HTATIP2: variants seen among roughly 807,000 people sequenced by gnomAD.
HTATIP2 encodes protein HTATIP2.
In HTATIP2, 26 loss-of-function variants were observed where a neutral mutation model predicts 24.7. That is an observed-to-expected ratio of 1.05 (90% CI 0.77 to 1.46). The LOEUF is 1.46. Among genes scored for constraint, HTATIP2 ranks in the 40% most tolerant of loss-of-function variants. The pLI is 0.00. For synonymous variants in HTATIP2, 99 were observed against 113.2 expected (o/e 0.87, Z 0.79); for missense variants, 284 against 289.6 (o/e 0.98, Z 0.14).
chr11:20,379,112 G>C (rs955292751), intron 3 of HTATIP2, among the ~76,000 whole-genome samples: 1 of 152,104 alleles, frequency 6.6e-6, no homozygotes, highest in Non-Finnish European at 1.5e-5. Flanking sequence ...GGCAAAGCTA[G>C]AGCTTGAACC....
intron 3 of HTATIP2, among the ~76,000 whole-genome samples, chr11:20,379,996 G>T (rs1276704561): frequency 6.6e-6 from 1 of 152,210 alleles, no homozygotes; most frequent in African/African-American, 2.4e-5. Context: ...AAGCTTCCAA[G>T]AGGCCTCTCC....
chr11:20,363,841 G>A lies in HTATIP2; in HGVS notation c.-397G>A. 1 of 1,244,628 alleles carries A rather than the reference G, an allele frequency of 8.0e-7. No individual in the cohort carries two copies. The highest frequency in any genetic ancestry group is 4.2e-5 in the Admixed American group (1 of 23,712). 77.1% of individuals were successfully genotyped at this position (1,244,628 alleles called of 1,614,324 possible). On this transcript the variant is annotated 5_prime_UTR_variant, in exon 1 of 5. Transcript: ENST00000451739. ...CCGGGCCTGCGGCGCTGAGCGCGGC[G>A]GCGGCGGCTGCTCTGGCGGCCGCCC...
At chr11:20,382,476 C>G (rs530101918) in intron 4 of HTATIP2, among the ~76,000 whole-genome samples, 2 of 152,302 alleles carry the variant, frequency 1.3e-5, no homozygotes, top group South Asian at 4.1e-4. Flanking sequence ...TTCTTAAATC[C>G]TCTTCATGTG....
chr11:20,380,931 G>A (rs1403883248), intron 3 of HTATIP2, among the ~76,000 whole-genome samples: 3 of 152,084 alleles, frequency 2.0e-5, no homozygotes. Flanking sequence ...AAAAGACCAC[G>A]AATTATATGA....
chr11:20,374,439 C>T (rs1848411865), intron 2 of HTATIP2, among the ~76,000 whole-genome samples: 1 of 152,208 alleles, frequency 6.6e-6, no homozygotes, highest in African/African-American at 2.4e-5. Context: ...AGCTGCATTC[C>T]TTTCTGGGAG....
intron 3 of HTATIP2, among the ~76,000 whole-genome samples, chr11:20,380,481 G>C (rs1162073053): frequency 6.6e-6 from 1 of 152,062 alleles, no homozygotes; most frequent in East Asian, 1.9e-4. Context: ...GACCATCCTG[G>C]CTAACACGGT....
chr11:20,376,818 C>A, intron 3 of HTATIP2, 101 bp downstream of exon 3: 1 of 835,086 alleles, frequency 1.2e-6, no homozygotes, highest in Non-Finnish European at 1.8e-6. Context: ...CCATCAAATG[C>A]ATCATATTAT....
intron 3 of HTATIP2, among the ~76,000 whole-genome samples, chr11:20,379,058 AAC>A (rs1384189424): frequency 6.4e-4 from 1 of 1,570 alleles, no homozygotes; most frequent in African/African-American, 1.5e-3. Flanking sequence ...AAACAAAACA[AAC>A]AACAACAACA....
intron 1 of HTATIP2, among the ~76,000 whole-genome samples, chr11:20,366,099 C>CTTT (rs746247166): frequency 2.6e-4 from 28 of 108,690 alleles, no homozygotes; most frequent in East Asian, 3.4e-4. Context: ...CTTTTCTTTT[C>CTTT]TTTTTTTTTT....
intron 3 of HTATIP2, among the ~76,000 whole-genome samples, chr11:20,379,615 T>G (rs879337340): frequency 6.6e-6 from 1 of 152,204 alleles, no homozygotes; most frequent in African/African-American, 2.4e-5. Flanking sequence ...AATCATGTGC[T>G]TTATGGGCAT....
chr11:20,376,561 A>T lies in HTATIP2; in HGVS notation c.304-19A>T. 1 of 1,613,504 alleles carries T rather than the reference A, an allele frequency of 6.2e-7. No individual in the cohort carries two copies. Among genetic ancestry groups the T allele is most frequent in the Non-Finnish European group, 8.5e-7 (1 of 1,179,812 alleles). ...ACTTGCTGCTTTTTGGAAATAACTCATGTCCTTTTCCCCCTTAGGAGGGAT... is the reference window on the plus strand; with the variant it reads ...ACTTGCTGCTTTTTGGAAATAACTCTTGTCCTTTTCCCCCTTAGGAGGGAT... On this transcript the variant is annotated intron_variant, in intron 2 of 4. Transcript: ENST00000451739.
At chr11:20,372,423 G>A (rs1395655520) in intron 2 of HTATIP2, among the ~76,000 whole-genome samples, 1 of 152,218 alleles carries the variant, frequency 6.6e-6, no homozygotes, top group African/African-American at 2.4e-5. Context: ...CTTAAGAGTC[G>A]TTGGAGAATT....
At chr11:20,374,376 C>T (rs1433255080) in intron 2 of HTATIP2, among the ~76,000 whole-genome samples, 2 of 152,208 alleles carry the variant, frequency 1.3e-5, no homozygotes, top group African/African-American at 2.4e-5. Context: ...ACAAATTTAT[C>T]ATCTTAGAAG....
At chr11:20,376,273 A>G (rs1369123230) in intron 2 of HTATIP2, 2 of 331,120 alleles carry the variant, frequency 6.0e-6, no homozygotes, top group Non-Finnish European at 5.4e-6. Context: ...GCTTAAAAGT[A>G]GTTTCTCAGC....
In HTATIP2 at chr11:20,376,623, C is replaced by T; in HGVS notation, c.347C>T (p.Ala116Val). 6.2e-7 allele frequency: 1 copy of T among 1,613,944 alleles called. No individual in the cohort carries two copies. Among genetic ancestry groups the T allele is most frequent in the Non-Finnish European group, 8.5e-7 (1 of 1,179,888 alleles). Reference sequence around the variant, plus strand: ...GACCGAGATTATGTGCTGAAGTCTGCAGAGCTGGCAAAAGCTGGAGGGTGC... The same window carrying T: ...GACCGAGATTATGTGCTGAAGTCTGTAGAGCTGGCAAAAGCTGGAGGGTGC... ...RVDRDYVLKSAELAKAGGCKH... is the reference protein window; with the variant it reads ...RVDRDYVLKSVELAKAGGCKH... The change falls in exon 3 of 5, where the codon GCA becomes GTA. Residue 116 changes from alanine to valine, a missense_variant. Ala to Val is a moderately conservative substitution (Grantham distance 64). Transcript: ENST00000451739.
rs1343613014 is a variant in HTATIP2 at position 20,383,206 on chromosome 11, C to T, written c.*1C>T. 1 of 1,607,792 alleles carries T rather than the reference C, an allele frequency of 6.2e-7. No individual in the cohort carries two copies. Among genetic ancestry groups the T allele is most frequent in the Non-Finnish European group, 8.5e-7 (1 of 1,174,890 alleles). ...AGCGCATGGCTCTCTCAAGCCATGA[C>T]CACATTGGAGAAATGGTTTTTATTG... is the stretch of plus-strand genomic sequence containing the variant. On this transcript the variant is annotated 3_prime_UTR_variant, in exon 5 of 5. Coordinates refer to ENST00000451739, the MANE Select transcript of HTATIP2 (RefSeq NM_001098522.2).
At chr11:20,370,802 A>G (rs1314007053) in intron 2 of HTATIP2, among the ~76,000 whole-genome samples, 1 of 152,068 alleles carries the variant, frequency 6.6e-6, no homozygotes, top group African/African-American at 2.4e-5. Flanking sequence ...GGTGCCCACC[A>G]CCATGCCCAG....
rs1437220014 is a variant in HTATIP2, at chr11:20,367,154, A to T, written c.196-20A>T. On this transcript the variant is annotated intron_variant, in intron 1 of 4. Coordinates refer to ENST00000451739, the MANE Select transcript of HTATIP2 (RefSeq NM_001098522.2). ...TTGTTTAAATAACATGAAACTACAT[A>T]CAACTGTGTCCTTGCCTAGAATCAA... The T allele has an allele frequency of 6.2e-7, 1 of 1,613,164 alleles. No individual in the cohort carries two copies. Among genetic ancestry groups the T allele is most frequent in the South Asian group, 1.1e-5 (1 of 90,784 alleles).
chr11:20,376,529 A>G (rs757418792), intron 2 of HTATIP2, 51 bp from the exon 3 acceptor site: 5 of 1,607,940 alleles, frequency 3.1e-6, no homozygotes, highest in Admixed American at 1.7e-5. Context: ...AGTAATCTTT[A>G]AGATGAACTT....
Sources: allele counts gnomAD v4.1 joint callset (sites outside exome capture counted in the v4.1 genomes callset), GRCh38; gene constraint gnomAD v4.1.1; transcripts MANE v1.5; gene names NCBI Gene and HGNC (gene_info 2026-07-23, HGNC 2026-07-21).